Variants in TTC38 observed in about 807,000 individuals in gnomAD.
The protein encoded by TTC38 is tetratricopeptide repeat domain 38, also known as tetratricopeptide repeat protein 38.
Under a neutral mutation model 64.2 loss-of-function variants are expected in TTC38, and 64 were observed. That is an observed-to-expected ratio of 1.00 (90% CI 0.81 to 1.23). The LOEUF is 1.23. Among genes scored for constraint, TTC38 ranks in the 50% most tolerant of loss-of-function variants. The pLI, the probability that TTC38 is intolerant of heterozygous loss-of-function variation, is 0.00. For missense variants in TTC38, 573 were observed against 615.5 expected, an observed-to-expected ratio of 0.93 and a Z score of 0.73; for synonymous variants, 254 against 249.3, an observed-to-expected ratio of 1.02 and a Z score of -0.18.
rs566059873 is a variant in TTC38, at chr22:46,281,489, C to T, written c.616-110C>T. 1.8e-4 allele frequency: 231 copies of T among 1,298,150 alleles called. No homozygotes were observed. The highest frequency in any genetic ancestry group is 2.3e-4 in the Non-Finnish European group (217 of 932,782). The allele number at this position is 1,298,150 out of a possible 1,614,324, so 80.4% of individuals were successfully genotyped here. On this transcript the variant is annotated intron_variant, in intron 6 of 13. Transcript: ENST00000381031. The surrounding 1 kb of genome is among the most constrained non-coding windows in gnomAD (Gnocchi z 5.2). ...CAGAGCCCCGCCCCCCCACTTGCTC[C>T]ACCCCGTTCAGCCCAGGCCCCTCTT...
In TTC38 at chr22:46,282,278, A is replaced by G. The variant is rs937309273; in HGVS notation, c.735+560A>G. 2.3e-5 allele frequency: 6 copies of G among 263,618 alleles called. No homozygotes were observed. Among genetic ancestry groups the G allele is most frequent in the African/African-American group, 1.4e-4 (6 of 44,384 alleles). The allele number at this position is 263,618 out of a possible 1,614,324, so 16.3% of individuals were successfully genotyped here. On this transcript the variant is annotated intron_variant, in intron 7 of 13. Transcript: ENST00000381031. This position sits in a 1 kb window ranked among gnomAD's most constrained non-coding sequence, Gnocchi z 4.4. ...TGCTTACTTTGGTGTCCTAGAGCCCAGGTACAAGGCGGACATGGGCTGTGC... is the reference window on the plus strand; with the variant it reads ...TGCTTACTTTGGTGTCCTAGAGCCCGGGTACAAGGCGGACATGGGCTGTGC...
intron 13 of TTC38, among the ~76,000 whole-genome samples, chr22:46,290,815 T>C (rs901717978): frequency 6.6e-6 from 1 of 152,164 alleles, no homozygotes; most frequent in Non-Finnish European, 1.5e-5. Flanking sequence ...CCACTTAGGC[T>C]GCTGAGCTCT....
In TTC38 at chr22:46,289,870, C is replaced by T. The variant is rs1412081175; in HGVS notation, c.1287C>T (p.Cys429=). Residue 429 remains cysteine (C), a synonymous_variant, in exon 13 of 14, where the codon TGC becomes TGT. Coordinates refer to ENST00000381031, the MANE Select transcript of TTC38 (RefSeq NM_017931.4). ...NQLLIHAALN[C]TSSVHKNVAR... is the part of the protein sequence containing the mutation. ...TGCTGATTCACGCGGCCTTAAACTG[C>T]ACCTCCAGCGTCCATAAGAACGTAG... is the stretch of plus-strand genomic sequence containing the variant. 1.9e-6 allele frequency: 3 copies of T among 1,614,200 alleles called. No homozygotes were observed. Among genetic ancestry groups the T allele is most frequent in the South Asian group, 1.1e-5 (1 of 91,092 alleles).
chr22:46,289,642 A>G (rs1159885844), intron 12 of TTC38, 81 bp downstream of exon 12: 4 of 1,520,272 alleles, frequency 2.6e-6, no homozygotes, highest in African/African-American at 2.7e-5. Context: ...AGTTTCTCCC[A>G]TGGTGTTGGT....
Position 46,289,831 on chromosome 22 carries a change from C to T in TTC38, c.1248C>T (p.Asp416=), listed in dbSNP as rs531452755. Residue 416 remains aspartate (D), a synonymous_variant, in exon 13 of 14, where the codon GAC becomes GAT. Transcript: ENST00000381031. ...ATGCCCGATTGACATTTCAGAGAGA[C>T]GTCTTCAACCAGCTGCTGATTCACG... ...VQLGGSNAQR[D]VFNQLLIHAA... is the part of the protein sequence containing the mutation. 150 of 1,614,150 alleles carry T rather than the reference C, an allele frequency of 9.3e-5. 1 individual carries two copies. In the South Asian group the frequency reaches 1.5e-3, roughly 17 times the overall value.
At chr22:46,277,386 C>T (rs963814114) in intron 5 of TTC38, among the ~76,000 whole-genome samples, 3 of 152,106 alleles carry the variant, frequency 2.0e-5, no homozygotes, top group Non-Finnish European at 4.4e-5. Context: ...GGGTGGATCA[C>T]CTGAGGTCAG....
chr22:46,274,391 A>G lies in TTC38; in HGVS notation c.365+322A>G, dbSNP rs1936963599. Reference sequence around the variant, plus strand: ...GAAATTACTAGGTTAGGGAAGAGAGAAGAAAACATGCTTCTTCTAGTGAGA... The same window carrying G: ...GAAATTACTAGGTTAGGGAAGAGAGGAGAAAACATGCTTCTTCTAGTGAGA... On this transcript the variant is annotated intron_variant, in intron 4 of 13. Coordinates refer to ENST00000381031, the MANE Select transcript of TTC38 (RefSeq NM_017931.4). The surrounding 1 kb of genome is among the most constrained non-coding windows in gnomAD (Gnocchi z 4.8). Among the ~76,000 whole-genome samples the G allele has an allele frequency of 6.6e-6, 1 of 152,220 alleles. No homozygotes were observed. The highest frequency in any genetic ancestry group is 1.5e-5 in the Non-Finnish European group (1 of 68,046).
chr22:46,277,040 TATACATACACACACACACAC>T (rs1456074978), intron 5 of TTC38, among the ~76,000 whole-genome samples: 1,139 of 75,584 alleles, frequency 0.015, 24 homozygotes, highest in African/African-American at 0.058. Context: ...AATACATATA[TATACATACACACACACACAC>T]ACACACACAC....
intron 6 of TTC38, among the ~76,000 whole-genome samples, chr22:46,280,800 G>T (rs915401099): frequency 6.6e-6 from 1 of 152,264 alleles, no homozygotes. Flanking sequence ...CTGAGGCAGT[G>T]GGGCTGGCGG....
chr22:46,281,988 C>T lies in TTC38; in HGVS notation c.735+270C>T, dbSNP rs1172527076. ...CCTTACAGGGCCTGGTCAGGAGGAGCGAGCAGCCTCTTCAAAGCACATGAG... is the reference window on the plus strand; with the variant it reads ...CCTTACAGGGCCTGGTCAGGAGGAGTGAGCAGCCTCTTCAAAGCACATGAG... On this transcript the variant is annotated intron_variant, in intron 7 of 13. Transcript: ENST00000381031. This position sits in a 1 kb window ranked among gnomAD's most constrained non-coding sequence, Gnocchi z 5.2. 4 of 600,156 alleles carry T rather than the reference C, an allele frequency of 6.7e-6. No homozygotes were observed. The Admixed American group carries it at 8.7e-5, about 13-fold the overall frequency. The allele number at this position is 600,156 out of a possible 1,614,324, so 37.2% of individuals were successfully genotyped here. A position where few individuals can be genotyped will look rare whatever the true frequency, so the allele number is the denominator to read the frequency against.
At position 46,272,156 on chromosome 22, in the gene TTC38, A is replaced by C. The variant is rs568077053; in HGVS notation, c.112-179A>C. 6.6e-6 allele frequency among the ~76,000 whole-genome samples: 1 copy of C among 151,718 alleles called. No homozygotes were observed. Among genetic ancestry groups the C allele is most frequent in the African/African-American group, 2.4e-5 (1 of 41,356 alleles). ...CAGGCATGCACCACCACGCCCCACT[A>C]ATTTTTCTATTTTTAGTAGAGATGG... On this transcript the variant is annotated intron_variant, in intron 2 of 13. Transcript: ENST00000381031. The surrounding 1 kb of genome is among the most constrained non-coding windows in gnomAD (Gnocchi z 6.4).
intron 9 of TTC38, among the ~76,000 whole-genome samples, chr22:46,286,845 A>G (rs2077575147): frequency 6.6e-6 from 1 of 152,064 alleles, no homozygotes; most frequent in Non-Finnish European, 1.5e-5. Flanking sequence ...CTGGGTATGC[A>G]ATGCAGTGGG....
At chr22:46,287,195 C>T (rs1473271017) in intron 10 of TTC38, 41 bp downstream of exon 10, 1 of 1,539,456 alleles carries the variant, frequency 6.5e-7, no homozygotes. Context: ...GCCTCTTCCT[C>T]CCACATCATG....
At position 46,276,279 on chromosome 22, in the gene TTC38, G is replaced by T. The variant is rs2077486498; in HGVS notation, c.539+858G>T. ...TTAGTCTTACATCTGGAGGCAGTCT[G>T]CAGGCAGAATTTCTTCTTCTAGGGG... On this transcript the variant is annotated intron_variant, in intron 5 of 13. Transcript: ENST00000381031. The surrounding 1 kb of genome is among the most constrained non-coding windows in gnomAD (Gnocchi z 4.7). Among the ~76,000 whole-genome samples, 1 of 152,186 alleles carries T rather than the reference G, an allele frequency of 6.6e-6. No homozygotes were observed. Among genetic ancestry groups the T allele is most frequent in the African/African-American group, 2.4e-5 (1 of 41,430 alleles).
rs565460910 is a variant in TTC38, at chr22:46,282,233, C to A, written c.735+515C>A. 4.7e-5 allele frequency: 14 copies of A among 296,254 alleles called. No individual in the cohort carries two copies. Among genetic ancestry groups the A allele is most frequent in the Admixed American group, 1.8e-4 (4 of 22,254 alleles). 18.4% of individuals were successfully genotyped at this position (296,254 alleles called of 1,614,324 possible). A position where few individuals can be genotyped will look rare whatever the true frequency, so the allele number is the denominator to read the frequency against. On this transcript the variant is annotated intron_variant, in intron 7 of 13. Transcript: ENST00000381031. This position sits in a 1 kb window ranked among gnomAD's most constrained non-coding sequence, Gnocchi z 4.4. The stretch of plus-strand genomic sequence containing the variant: ...GCAAGGCCTCCAAGGCCTACAGTGG[C>A]CTGTGAGGGAGAGGAGAGCTGCTTA...
chr22:46,279,718 C>G (rs2077519648), intron 6 of TTC38, among the ~76,000 whole-genome samples: 1 of 152,344 alleles, frequency 6.6e-6, no homozygotes, highest in Non-Finnish European at 1.5e-5. Flanking sequence ...TTTGCTTTAA[C>G]TCTGAGTCAG....
At position 46,268,035 on chromosome 22, in the gene TTC38, G is replaced by A. The variant is rs1484015505; in HGVS notation, c.-5G>A. The A allele has an allele frequency of 1.3e-6, 2 of 1,539,330 alleles. No individual in the cohort carries two copies. Among genetic ancestry groups the A allele is most frequent in the African/African-American group, 1.4e-5 (1 of 71,654 alleles). On this transcript the variant is annotated 5_prime_UTR_variant, in exon 1 of 14. Transcript: ENST00000381031. The stretch of plus-strand genomic sequence containing the variant: ...AGCTCGCGGTGGACTCCGACCCGGC[G>A]CAACATGGCCGCAGCCTCGCCTCTG...
Position 46,275,764 on chromosome 22 carries a change from T to G in TTC38, c.539+343T>G, listed in dbSNP as rs981412071. Among the ~76,000 whole-genome samples the G allele has an allele frequency of 2.0e-5, 3 of 152,164 alleles. No homozygotes were observed. The highest frequency in any genetic ancestry group is 4.4e-5 in the Non-Finnish European group (3 of 68,028). ...TGAGGGCTCTGCCACCATGTCCTTGTCTCCATCTGGGATCCCAGCTGATGA... is the reference window on the plus strand; with the variant it reads ...TGAGGGCTCTGCCACCATGTCCTTGGCTCCATCTGGGATCCCAGCTGATGA... On this transcript the variant is annotated intron_variant, in intron 5 of 13. Coordinates refer to ENST00000381031, the MANE Select transcript of TTC38 (RefSeq NM_017931.4). This position sits in a 1 kb window ranked among gnomAD's most constrained non-coding sequence, Gnocchi z 4.5.
chr22:46,284,091 A>T (rs1000433996), intron 8 of TTC38, 59 bp downstream of exon 8: 1 of 1,443,508 alleles, frequency 6.9e-7, no homozygotes, highest in Admixed American at 2.0e-5. Context: ...AGGGAGAAAG[A>T]TTTTTCTAGC....
Sources: gnomAD v4.1 joint callset for allele counts (sites outside exome capture counted in the v4.1 genomes callset) on GRCh38, gnomAD v4.1.1 for gene constraint, Gnocchi (gnomAD v3.1) non-coding constraint, MANE v1.5 for transcripts, NCBI Gene and HGNC (gene_info 2026-07-23, HGNC 2026-07-21) for gene names.